Variants in RNF169 observed in about 807,000 individuals in gnomAD.
RNF169 encodes the protein E3 ubiquitin-protein ligase RNF169.
RNF169 carries 24 observed loss-of-function variants against 53.9 expected under a neutral mutation model. That is an observed-to-expected ratio of 0.45 (90% CI 0.32 to 0.63). The LOEUF (loss-of-function observed/expected upper bound fraction) is 0.63, where lower values mean the gene tolerates loss of function less well. Ranked by LOEUF, RNF169 falls within the 20% of genes least tolerant of loss-of-function variation. The probability of loss-of-function intolerance (pLI) is 0.04; values close to 1 mark genes in which losing one functional copy is unlikely to be tolerated. For synonymous variants in RNF169, 396 were observed against 363.5 expected (o/e 1.09, Z -1.02); for missense variants, 883 against 906.2 (o/e 0.97, Z 0.33).
At chr11:74,752,331 T>C (rs1274395395) in intron 1 of RNF169, among the ~76,000 whole-genome samples, 1 of 151,332 alleles carries the variant, frequency 6.6e-6, no homozygotes, top group East Asian at 2.0e-4. Flanking sequence ...GCATGGTGGC[T>C]CATGCCTGTA....
intron 1 of RNF169, among the ~76,000 whole-genome samples, chr11:74,763,821 C>T (rs1305899705): frequency 9.2e-5 from 14 of 152,106 alleles, no homozygotes; most frequent in Admixed American, 2.0e-4. Flanking sequence ...TCCTTAGGTT[C>T]GAGGCTCATG....
At chr11:74,760,235 A>G (rs1029195028) in intron 1 of RNF169, among the ~76,000 whole-genome samples, 6 of 151,006 alleles carry the variant, frequency 4.0e-5, no homozygotes, top group African/African-American at 1.2e-4. Context: ...TGGTCTATCA[A>G]TTTTGTTGAT....
Position 74,826,429 on chromosome 11 carries a change from C to T in RNF169, c.843-8247C>T, listed in dbSNP as rs552331414. ...CATGATTCAGTTACCACCACCTGGA[C>T]TCTACCTTGACACATGGGGATTATG... On this transcript the variant is annotated intron_variant, in intron 4 of 5. Coordinates refer to ENST00000299563, the MANE Select transcript of RNF169 (RefSeq NM_001098638.2). Among the ~76,000 whole-genome samples the T allele has an allele frequency of 2.6e-5, 4 of 152,296 alleles. No individual in the cohort carries two copies. In the South Asian group the frequency reaches 8.3e-4, roughly 32 times the overall value.
Position 74,836,834 on chromosome 11 carries a change from T to C in RNF169, c.*104T>C, listed in dbSNP as rs1591437268. On this transcript the variant is annotated 3_prime_UTR_variant, in exon 6 of 6. Coordinates refer to ENST00000299563, the MANE Select transcript of RNF169 (RefSeq NM_001098638.2). ...TGGTTTTATTTTAATGGCAAAACAC[T>C]GTCTAATATGGTTCTGAGAGGTTCC... The C allele has an allele frequency of 1.2e-6, 1 of 848,904 alleles. No individual in the cohort carries two copies. The highest frequency in any genetic ancestry group is 1.8e-6 in the Non-Finnish European group (1 of 560,030). The allele number at this position is 848,904 out of a possible 1,614,324, so 52.6% of individuals were successfully genotyped here.
chr11:74,816,374 G>A (rs976133807), intron 3 of RNF169, among the ~76,000 whole-genome samples: 6 of 152,160 alleles, frequency 3.9e-5, no homozygotes, highest in African/African-American at 1.4e-4. Flanking sequence ...TAAATAAGAA[G>A]CTACAGTTCA....
intron 1 of RNF169, among the ~76,000 whole-genome samples, chr11:74,780,204 T>C (rs939322509): frequency 5.3e-5 from 8 of 152,228 alleles, no homozygotes; most frequent in African/African-American, 1.7e-4. Flanking sequence ...TGTAAACTTA[T>C]TTAGGACTTG....
chr11:74,761,212 C>T (rs1350786464), intron 1 of RNF169, among the ~76,000 whole-genome samples: 4 of 143,028 alleles, frequency 2.8e-5, no homozygotes, highest in Admixed American at 7.1e-5. Flanking sequence ...TGTCTCTGCA[C>T]GTGAGATGGG....
rs1591380324 is a variant in RNF169 at position 74,749,198 on chromosome 11, C to T, written c.318C>T (p.Cys106=). 8.8e-7 allele frequency: 1 copy of T among 1,137,928 alleles called. No individual in the cohort carries two copies. The highest frequency in any genetic ancestry group is 4.6e-5 in the East Asian group (1 of 21,538). 70.5% of individuals were successfully genotyped at this position (1,137,928 alleles called of 1,614,324 possible). ...ADAAGPGCPR[C]RARGPGWARR... ...CGGCGGGCCCGGGTTGCCCTCGCTG[C>T]CGCGCCCGCGGCCCAGGCTGGGCCC... The change falls in exon 1 of 6, where the codon TGC becomes TGT. Residue 106 remains cysteine, a synonymous_variant. Transcript: ENST00000299563.
intron 1 of RNF169, among the ~76,000 whole-genome samples, chr11:74,774,239 A>G (rs2135329364): frequency 6.6e-6 from 1 of 151,876 alleles, no homozygotes; most frequent in East Asian, 2.0e-4. Context: ...CCGGCTGCTC[A>G]GGAGGCTGAG....
intron 2 of RNF169, among the ~76,000 whole-genome samples, chr11:74,795,769 A>C (rs2035639991): frequency 6.6e-6 from 1 of 152,182 alleles, no homozygotes; most frequent in Non-Finnish European, 1.5e-5. Context: ...AGGCAGGAGG[A>C]TTGCTTGAGC....
chr11:74,816,563 A>G (rs2035944250), intron 3 of RNF169, among the ~76,000 whole-genome samples: 1 of 152,268 alleles, frequency 6.6e-6, no homozygotes, highest in South Asian at 2.1e-4. Flanking sequence ...AACAAGATGG[A>G]AAAACTAACT....
intron 1 of RNF169, among the ~76,000 whole-genome samples, chr11:74,752,729 C>T (rs987742573): frequency 1.1e-4 from 16 of 150,408 alleles, no homozygotes; most frequent in African/African-American, 3.7e-4. Context: ...CTGTAACTTG[C>T]TTTTTTTTTG....
intron 2 of RNF169, among the ~76,000 whole-genome samples, chr11:74,791,007 C>A (rs1263341986): frequency 1.3e-5 from 2 of 152,230 alleles, no homozygotes; most frequent in Non-Finnish European, 2.9e-5. Flanking sequence ...AAGTTCTTGT[C>A]CTGTGTCCAG....
intron 2 of RNF169, among the ~76,000 whole-genome samples, chr11:74,790,637 G>T (rs2035566036): frequency 6.6e-6 from 1 of 152,208 alleles, no homozygotes; most frequent in Non-Finnish European, 1.5e-5. Flanking sequence ...GCAGAGGGGA[G>T]GGGTGTGTGA....
At chr11:74,762,683 A>G (rs1408070694) in intron 1 of RNF169, among the ~76,000 whole-genome samples, 1 of 152,206 alleles carries the variant, frequency 6.6e-6, no homozygotes, top group Non-Finnish European at 1.5e-5. Context: ...GAAAATCTCC[A>G]GTTTCCAAAA....
In RNF169 at chr11:74,838,698, T is replaced by C. The variant is rs2036294190; in HGVS notation, c.*1968T>C. 6.6e-6 allele frequency: 1 copy of C among 152,248 alleles called. No homozygotes were observed. The highest frequency in any genetic ancestry group is 2.1e-4 in the South Asian group (1 of 4,832). 9.4% of individuals were successfully genotyped at this position (152,248 alleles called of 1,614,324 possible). A position where few individuals can be genotyped will look rare whatever the true frequency, so the allele number is the denominator to read the frequency against. ...TTTTGTAGTCACACCACTTCAGTTC[T>C]GGGCCCTACCAACAATTTATGTCCT... On this transcript the variant is annotated 3_prime_UTR_variant, in exon 6 of 6. Transcript: ENST00000299563.
chr11:74,783,858 A>G (rs898253340), intron 1 of RNF169, among the ~76,000 whole-genome samples: 2 of 152,220 alleles, frequency 1.3e-5, no homozygotes, highest in African/African-American at 4.8e-5. Flanking sequence ...GTTTTATTGT[A>G]TGTGATTGTT....
In RNF169 at chr11:74,835,845, A is replaced by G. The variant is rs1272862601; in HGVS notation, c.1242A>G (p.Leu414=). 2.5e-6 allele frequency: 4 copies of G among 1,614,162 alleles called. No individual in the cohort carries two copies. The highest frequency in any genetic ancestry group is 3.4e-6 in the Non-Finnish European group (4 of 1,180,024). The change falls in exon 6 of 6, where the codon CTA becomes CTG. Residue 414 remains leucine, a synonymous_variant. Transcript: ENST00000299563. ...TCATCAAATCAACTCCACGCAACCT[A>G]AACAGAAGCCTGCAGAAGCAGACTT... ...PLIIKSTPRN[L]NRSLQKQTSY... is the part of the protein sequence containing the mutation.
intron 1 of RNF169, among the ~76,000 whole-genome samples, chr11:74,786,221 G>T (rs1166270584): frequency 6.6e-6 from 1 of 150,758 alleles, no homozygotes; most frequent in Middle Eastern, 3.2e-3. Context: ...TTACAGGCGT[G>T]AGCCACTGTG....
Sources: gnomAD v4.1 joint callset for allele counts (sites outside exome capture counted in the v4.1 genomes callset) on GRCh38, gnomAD v4.1.1 for gene constraint, MANE v1.5 for transcripts, NCBI Gene and HGNC (gene_info 2026-07-23, HGNC 2026-07-21) for gene names.